DAPK2: variants seen among roughly 807,000 people sequenced by gnomAD.
DAPK2 encodes the protein death associated protein kinase 2.
In DAPK2, 35 loss-of-function variants were observed where a neutral mutation model predicts 44.1. The observed-to-expected ratio is 0.79, with a 90% CI of 0.61 to 1.05. The LOEUF (loss-of-function observed/expected upper bound fraction) is 1.05, where lower values mean the gene tolerates loss of function less well. Among genes scored for constraint, DAPK2 ranks in the 50% least tolerant of loss-of-function variants. The probability of loss-of-function intolerance (pLI) is 0.00; values close to 1 mark genes in which losing one functional copy is unlikely to be tolerated. For missense variants in DAPK2, 453 were observed against 483.2 expected, an observed-to-expected ratio of 0.94 and a Z score of 0.59; for synonymous variants, 174 against 182.6, an observed-to-expected ratio of 0.95 and a Z score of 0.38.
chr15:63,928,614 A>T (rs2079392341), intron 6 of DAPK2: 1 of 152,104 alleles, frequency 6.6e-6, no homozygotes, highest in South Asian at 2.1e-4. Flanking sequence ...GAAGTTTGTG[A>T]TTCCTATTTT....
intron 1 of DAPK2, among the ~76,000 whole-genome samples, chr15:64,039,318 A>G: frequency 6.6e-6 from 1 of 152,232 alleles, no homozygotes; most frequent in East Asian, 1.9e-4. Flanking sequence ...ACAAGTGCCA[A>G]GCTCATGGGA....
chr15:63,960,543 A>G (rs1484844159), intron 3 of DAPK2, among the ~76,000 whole-genome samples: 1 of 152,146 alleles, frequency 6.6e-6, no homozygotes, highest in Non-Finnish European at 1.5e-5. Context: ...AGATTCTGGT[A>G]TGTTGTGTCT....
chr15:63,967,727 C>A (rs2078096523), intron 3 of DAPK2, among the ~76,000 whole-genome samples: 2 of 152,268 alleles, frequency 1.3e-5, no homozygotes, highest in Admixed American at 6.5e-5. Flanking sequence ...CGGCTCCCTG[C>A]AACGAGGCTA....
At chr15:64,044,451 T>G (rs1323303181), upstream of DAPK2, among the ~76,000 whole-genome samples, 1 of 152,176 alleles carries the variant, frequency 6.6e-6, no homozygotes, top group Non-Finnish European at 1.5e-5. Flanking sequence ...TGGGTAAGAA[T>G]TCACTGTGAA....
exon 1 of DAPK2, chr15:64,040,260 A>T: frequency 1.2e-6 from 2 of 1,613,912 alleles, no homozygotes; most frequent in South Asian, 2.2e-5. Flanking sequence ...GGCCTGGAAC[A>T]TACAATCCTG....
chr15:63,958,446 G>A (rs1266376273), intron 3 of DAPK2, among the ~76,000 whole-genome samples: 3 of 152,128 alleles, frequency 2.0e-5, no homozygotes, highest in Admixed American at 2.0e-4. Context: ...TGGCCTGAAT[G>A]GTATTGCCTA....
intron 2 of DAPK2, among the ~76,000 whole-genome samples, chr15:63,977,011 A>G (rs1230393566): frequency 6.6e-6 from 1 of 152,170 alleles, no homozygotes. Context: ...AAAGAACACC[A>G]TGAGGAAGGA....
At chr15:63,982,467 C>T (rs920162440) in intron 2 of DAPK2, among the ~76,000 whole-genome samples, 3 of 152,066 alleles carry the variant, frequency 2.0e-5, no homozygotes, top group Non-Finnish European at 4.4e-5. Context: ...GGATTACAGG[C>T]ATGAGCCACT....
Position 63,941,567 on chromosome 15 carries a change from A to G in DAPK2, c.454-2206T>C, listed in dbSNP as rs139017256. Among the ~76,000 whole-genome samples, 944 of 152,084 alleles carry G rather than the reference A, an allele frequency of 6.2e-3. 11 individuals carry two copies. The highest frequency in any genetic ancestry group is 0.022 in the African/African-American group (906 of 41,470). On this transcript the variant is annotated intron_variant, in intron 3 of 10. Transcript: ENST00000261891. ...CCCCTGGCTGCCTATGGTCTCTGTG[A>G]CCTTCCAGCTGGAAACTTCCACTCA...
At chr15:64,032,516 G>A (rs2080045484) in intron 1 of DAPK2, among the ~76,000 whole-genome samples, 4 of 152,126 alleles carry the variant, frequency 2.6e-5, no homozygotes, top group African/African-American at 4.8e-5. Context: ...AGTGCTGCTC[G>A]CCCCAGCCTC....
intron 4 of DAPK2, among the ~76,000 whole-genome samples, chr15:63,933,364 C>T (rs12916395): frequency 0.52 from 78,300 of 151,858 alleles, 20,802 homozygotes; most frequent in East Asian, 0.92. Context: ...CTGCCTCAGC[C>T]TCCCAAGTAG....
intron 4 of DAPK2, chr15:63,932,466 C>CAAAAAAAAAAAAAAA (rs61026642): frequency 1.5e-5 from 1 of 68,226 alleles, no homozygotes; most frequent in African/African-American, 6.6e-5. Flanking sequence ...AACTCCGTCT[C>CAAAAAAAAAAAAAAA]AAAAAAAAAA....
At chr15:63,981,177 G>C (rs780500541) in intron 2 of DAPK2, among the ~76,000 whole-genome samples, 4 of 151,688 alleles carry the variant, frequency 2.6e-5, no homozygotes, top group Non-Finnish European at 5.9e-5. Flanking sequence ...GGATTAACAG[G>C]TTACATGGGT....
chr15:63,947,813 T>C (rs2077487877), intron 3 of DAPK2, among the ~76,000 whole-genome samples: 1 of 152,136 alleles, frequency 6.6e-6, no homozygotes, highest in Non-Finnish European at 1.5e-5. Context: ...GCCCAAACCT[T>C]CTTTCCTCCA....
intron 3 of DAPK2, among the ~76,000 whole-genome samples, chr15:63,952,797 T>C (rs2077627259): frequency 6.6e-6 from 1 of 152,208 alleles, no homozygotes; most frequent in Admixed American, 6.5e-5. Context: ...CCCTTTGTGT[T>C]ACAAACAAAG....
intron 1 of DAPK2, among the ~76,000 whole-genome samples, chr15:64,005,037 C>T (rs1348317440): frequency 6.6e-6 from 1 of 152,172 alleles, no homozygotes; most frequent in Non-Finnish European, 1.5e-5. Context: ...CCGAGAGACC[C>T]CACTTCCCAA....
At chr15:63,971,272 T>A in intron 3 of DAPK2, 151 bp downstream of exon 4, 1 of 963,702 alleles carries the variant, frequency 1.0e-6, no homozygotes. Flanking sequence ...GACATTTCCG[T>A]GGCATCATCT....
In DAPK2 at chr15:63,924,750, C is replaced by T. The variant is rs546934713; in HGVS notation, c.858+66G>A. 2.0e-5 allele frequency: 31 copies of T among 1,582,730 alleles called. No individual in the cohort carries two copies. In the South Asian group the frequency reaches 2.9e-4, roughly 15 times the overall value. On this transcript the variant is annotated intron_variant, in intron 8 of 10. Transcript: ENST00000261891. ...TCCATGGGCCCTCTGCATCTGGCTG[C>T]CCAGGCCAACCCTGGCGACAGAGCA...
In DAPK2 at chr15:64,031,016, G is replaced by A. The variant is rs974685268; in HGVS notation, c.92+9154C>T. ...CACACACACACACACACACACACAC[G>A]GAATTTGCATAGTATAATAGAAACA... is the stretch of plus-strand genomic sequence containing the variant. On this transcript the variant is annotated intron_variant, in intron 1 of 10. Transcript: ENST00000261891. 1.3e-4 allele frequency among the ~76,000 whole-genome samples: 10 copies of A among 79,608 alleles called. No individual in the cohort carries two copies. In the South Asian group the frequency reaches 3.1e-3, roughly 25 times the overall value. 52.2% of individuals were successfully genotyped at this position (79,608 alleles called of 152,430 possible). A position where few individuals can be genotyped will look rare whatever the true frequency, so the allele number is the denominator to read the frequency against.
Sources: allele counts gnomAD v4.1 joint callset (sites outside exome capture counted in the v4.1 genomes callset), GRCh38; gene constraint gnomAD v4.1.1; transcripts MANE v1.5; gene names NCBI Gene and HGNC (gene_info 2026-07-23, HGNC 2026-07-21).